Variants in VWDE observed in about 807,000 individuals in gnomAD.
VWDE encodes von Willebrand factor D and EGF domains.
A neutral mutation model predicts 178.4 loss-of-function variants in VWDE; 207 were observed. The ratio of observed to expected loss-of-function variants is 1.16; its 90% CI spans 1.04 to 1.30. VWDE has a LOEUF of 1.30. VWDE is among the 50% of genes most tolerant of loss of function. VWDE has a pLI of 0.00. For missense variants in VWDE, 2,287 were observed against 1,901.3 expected (o/e 1.20, Z -3.77); for synonymous variants, 738 against 651.4 (o/e 1.13, Z -2.02).
chr7:12,362,022 A>G (rs888708874), intron 13 of VWDE, among the ~76,000 whole-genome samples: 1 of 151,948 alleles, frequency 6.6e-6, no homozygotes, highest in South Asian at 2.1e-4. Flanking sequence ...GACCTAAGCT[A>G]GGCCAATATT....
At chr7:12,370,576 G>A in intron 11 of VWDE, 67 bp from the exon 12 acceptor site, 1 of 1,525,504 alleles carries the variant, frequency 6.6e-7, no homozygotes, top group African/African-American at 1.4e-5. Context: ...AATATGTGTT[G>A]CAAAAAAGCA....
intron 1 of VWDE, among the ~76,000 whole-genome samples, chr7:12,401,597 C>T (rs1784896488): frequency 1.3e-5 from 2 of 152,098 alleles, no homozygotes; most frequent in African/African-American, 4.8e-5. Context: ...TGAAATACCA[C>T]TTCACAACCA....
intron 1 of VWDE, among the ~76,000 whole-genome samples, chr7:12,397,622 A>T (rs1421710839): frequency 6.6e-6 from 1 of 152,228 alleles, no homozygotes; most frequent in Non-Finnish European, 1.5e-5. Flanking sequence ...CAATAGAGTA[A>T]ACAGACAACC....
intron 18 of VWDE, among the ~76,000 whole-genome samples, chr7:12,352,082 A>C (rs1238132384): frequency 6.6e-6 from 1 of 152,194 alleles, no homozygotes; most frequent in African/African-American, 2.4e-5. Context: ...GCCAGTCTGC[A>C]AACCAGAGAT....
At chr7:12,361,874 C>G (rs1782600184) in intron 13 of VWDE, among the ~76,000 whole-genome samples, 1 of 151,868 alleles carries the variant, frequency 6.6e-6, no homozygotes, top group South Asian at 2.1e-4. Flanking sequence ...CCCAGAAATT[C>G]CTTCATTTCT....
At chr7:12,396,756 A>G (rs1489907415) in intron 1 of VWDE, among the ~76,000 whole-genome samples, 1 of 87,446 alleles carries the variant, frequency 1.1e-5, no homozygotes, top group African/African-American at 9.3e-5. Context: ...TCTCTACTTA[A>G]AAAAAAAAAA....
chr7:12,332,755 A>G (rs80002987), intron 28 of VWDE, among the ~76,000 whole-genome samples: 1 of 152,154 alleles, frequency 6.6e-6, no homozygotes, highest in Non-Finnish European at 1.5e-5. Context: ...GGAGAAAACT[A>G]TACATATATC....
At chr7:12,344,522 T>C in intron 19 of VWDE, 53 bp from the exon 20 acceptor site, 1 of 1,374,670 alleles carries the variant, frequency 7.3e-7, no homozygotes. Context: ...AACATACATA[T>C]TGCTCAGAGA....
In VWDE at chr7:12,336,990, G is replaced by A. The variant is rs761205171; in HGVS notation, c.4556C>T (p.Thr1519Ile). ...PSGWSGKRCN[T>I]PICLQKCKNG... is the part of the protein sequence containing the mutation. ...TGTTTTAAGAGTATTCCTCTTACGT[G>A]TGTTGCATCGTTTCCCACTCCAACC... Residue 1519 changes from threonine to isoleucine, a missense_variant and splice_region_variant, in exon 26 of 29, where the codon ACA (threonine) becomes ATA (isoleucine). Transcript: ENST00000275358. The A allele has an allele frequency of 6.4e-7, 1 of 1,550,388 alleles. No homozygotes were observed. The highest frequency in any genetic ancestry group is 8.7e-7 in the Non-Finnish European group (1 of 1,146,282).
chr7:12,385,687 T>G (rs1220097519), intron 3 of VWDE, among the ~76,000 whole-genome samples: 1 of 152,228 alleles, frequency 6.6e-6, no homozygotes, highest in East Asian at 1.9e-4. Flanking sequence ...GACTGTCATT[T>G]TTGTTTGCTA....
intron 13 of VWDE, among the ~76,000 whole-genome samples, chr7:12,364,192 A>C (rs1782734338): frequency 6.6e-6 from 1 of 152,090 alleles, no homozygotes. Context: ...ACAGATAGAT[A>C]AACCGATAGA....
In VWDE at chr7:12,373,787, C is replaced by T. The variant is rs183833264; in HGVS notation, c.1317-540G>A. ...AACTTGGCTTTTCACCTAGTTGTTGCGTAATTAATCTTGTTGAATTGTCAG... is the reference window on the plus strand; with the variant it reads ...AACTTGGCTTTTCACCTAGTTGTTGTGTAATTAATCTTGTTGAATTGTCAG... On this transcript the variant is annotated intron_variant, in intron 9 of 28. Transcript: ENST00000275358. Among the ~76,000 whole-genome samples, 14 of 152,044 alleles carry T rather than the reference C, an allele frequency of 9.2e-5. No homozygotes were observed. The East Asian group carries it at 2.1e-3, about 23-fold the overall frequency.
rs1392423746 is a variant in VWDE at position 12,369,621 on chromosome 7, G to T, written c.2685C>A (p.Ser895Arg). ...CCCATTCCATGCACTGCCCATTGCC[G>T]CTGCATAAATTGGGGCATTTTAATA... ...LSVLKCPNLC[S>R]GNGQCMEWGC... The change falls in exon 12 of 29, where the codon AGC becomes AGA. Residue 895 changes from serine to arginine, a missense_variant. Ser to Arg is a moderately radical substitution (Grantham distance 110). Transcript: ENST00000275358. 7.1e-6 allele frequency: 11 copies of T among 1,551,288 alleles called. No individual in the cohort carries two copies. The East Asian group carries it at 1.5e-4, about 21-fold the overall frequency.
Position 12,369,928 on chromosome 7 carries a change from G to A in VWDE, c.2378C>T (p.Pro793Leu), listed in dbSNP as rs1172724701. 5.2e-6 allele frequency: 8 copies of A among 1,551,228 alleles called. No individual in the cohort carries two copies. Among genetic ancestry groups the A allele is most frequent in the Non-Finnish European group, 7.0e-6 (8 of 1,146,838 alleles). The change falls in exon 12 of 29, where the codon CCC becomes CTC. Residue 793 changes from proline (P) to leucine (L), a missense_variant. Physicochemically the swap from Pro to Leu is moderately conservative, Grantham distance 98. Coordinates refer to ENST00000275358, the MANE Select transcript of VWDE (RefSeq NM_001135924.3). ...HAEDVQQEFF[P>L]SWPTPSGLTE... ...GAGGCCAGAGGGAGTGGGCCAAGAGGGGAAAAACTCTTGCTGTACATCCTC... is the reference window on the plus strand; with the variant it reads ...GAGGCCAGAGGGAGTGGGCCAAGAGAGGAAAAACTCTTGCTGTACATCCTC...
At chr7:12,372,748 T>C (rs1204651741) in intron 10 of VWDE, among the ~76,000 whole-genome samples, 2 of 152,146 alleles carry the variant, frequency 1.3e-5, no homozygotes, top group Non-Finnish European at 2.9e-5. Context: ...CACCAAGTTG[T>C]CATGCTGAAA....
rs538041064 is a variant in VWDE, at chr7:12,337,171, T to A, written c.4462+6A>T. Reference sequence around the variant, plus strand: ...TAGTTGACAAATACATTTAGTGATGTCTTACTTTTTTGGAATCTCCTACCA... The same window carrying A: ...TAGTTGACAAATACATTTAGTGATGACTTACTTTTTTGGAATCTCCTACCA... On this transcript the variant is annotated splice_donor_region_variant and intron_variant, in intron 25 of 28. Transcript: ENST00000275358. The A allele has an allele frequency of 6.4e-7, 1 of 1,551,638 alleles. No homozygotes were observed. The highest frequency in any genetic ancestry group is 1.4e-5 in the African/African-American group (1 of 73,164).
At chr7:12,390,234 T>TA (rs1784319884) in intron 2 of VWDE, among the ~76,000 whole-genome samples, 1 of 150,406 alleles carries the variant, frequency 6.6e-6, no homozygotes, top group South Asian at 2.1e-4. Flanking sequence ...CCTTTTCAGA[T>TA]AAAAAATAGA....
At chr7:12,334,753 C>G (rs1398810318) in intron 27 of VWDE, among the ~76,000 whole-genome samples, 1 of 152,216 alleles carries the variant, frequency 6.6e-6, no homozygotes, top group East Asian at 1.9e-4. Context: ...CCTCAATCTG[C>G]AACCACTGAA....
chr7:12,332,789 A>T (rs1780797562), intron 28 of VWDE, among the ~76,000 whole-genome samples: 1 of 152,146 alleles, frequency 6.6e-6, no homozygotes, highest in Non-Finnish European at 1.5e-5. Flanking sequence ...AGCCAAATTG[A>T]TCCATATCAA....
Sources: allele counts gnomAD v4.1 joint callset (sites outside exome capture counted in the v4.1 genomes callset), GRCh38; gene constraint gnomAD v4.1.1; transcripts MANE v1.5; gene names NCBI Gene and HGNC (gene_info 2026-07-23, HGNC 2026-07-21).